Variants in C1QTNF3 observed in about 807,000 individuals in gnomAD.
The protein encoded by C1QTNF3 is complement C1q tumor necrosis factor-related protein 3.
C1QTNF3 carries 26 observed loss-of-function variants against 32.6 expected under a neutral mutation model. The ratio of observed to expected loss-of-function variants is 0.80; its 90% CI spans 0.58 to 1.11. The LOEUF is 1.11. C1QTNF3 is among the 50% of genes least tolerant of loss of function. The pLI is 0.00. For synonymous variants in C1QTNF3, 155 were observed against 146.0 expected, an observed-to-expected ratio of 1.06 and a Z score of -0.44; for missense variants, 362 against 398.2, an observed-to-expected ratio of 0.91 and a Z score of 0.77.
chr5:34,214,577 T>C, the C1QTNF3 span, among the ~76,000 whole-genome samples: 8 of 152,108 alleles, frequency 5.3e-5, no homozygotes, highest in African/African-American at 1.4e-4. Flanking sequence ...TACAATAATA[T>C]GGAAAACAAT....
chr5:34,231,799 G>T, the C1QTNF3 span, among the ~76,000 whole-genome samples: 1,121 of 149,568 alleles, frequency 7.5e-3, 20 homozygotes, highest in Non-Finnish European at 0.011. Flanking sequence ...ACCTCTACTA[G>T]GGCAGTGCAG....
chr5:34,136,390 CA>C, the C1QTNF3 span, among the ~76,000 whole-genome samples: 1 of 152,168 alleles, frequency 6.6e-6, no homozygotes, highest in Non-Finnish European at 1.5e-5. Flanking sequence ...CCAACAGACA[CA>C]TGAAAAAATG....
chr5:34,212,877 C>G, the C1QTNF3 span, among the ~76,000 whole-genome samples: 7 of 150,952 alleles, frequency 4.6e-5, no homozygotes, highest in East Asian at 2.0e-4. Context: ...ACTAGAAATA[C>G]CATTTGACCC....
intron 5 of C1QTNF3, among the ~76,000 whole-genome samples, chr5:34,022,357 C>T (rs1754351472): frequency 6.6e-6 from 1 of 152,130 alleles, no homozygotes; most frequent in East Asian, 1.9e-4. Flanking sequence ...CTCGAGGAGG[C>T]CCTGCTCACC....
At chr5:34,116,515 T>TAGA in the C1QTNF3 span, among the ~76,000 whole-genome samples, 501 of 100,904 alleles carry the variant, frequency 5.0e-3, 16 homozygotes, top group African/African-American at 0.02. Context: ...TGTTAAATGC[T>TAGA]TAAATTTTAT....
At chr5:34,062,579 A>G in the C1QTNF3 span, among the ~76,000 whole-genome samples, 1 of 152,170 alleles carries the variant, frequency 6.6e-6, no homozygotes, top group African/African-American at 2.4e-5. Context: ...CAAACCAATT[A>G]TTAGGCAATT....
At chr5:34,236,398 A>G in the C1QTNF3 span, among the ~76,000 whole-genome samples, 1 of 151,836 alleles carries the variant, frequency 6.6e-6, no homozygotes, top group Non-Finnish European at 1.5e-5. Flanking sequence ...CTCAAAAAAA[A>G]AAGAAGAAGA....
At chr5:34,144,789 G>C in the C1QTNF3 span, among the ~76,000 whole-genome samples, 2 of 152,302 alleles carry the variant, frequency 1.3e-5, no homozygotes, top group East Asian at 1.9e-4. Flanking sequence ...GCAGTAGTAA[G>C]AGAAAAGCTT....
the C1QTNF3 span, among the ~76,000 whole-genome samples, chr5:34,237,793 G>A: frequency 2.6e-5 from 4 of 152,102 alleles, no homozygotes; most frequent in South Asian, 8.3e-4. Flanking sequence ...CTGCCTGAGA[G>A]AGACCTGTGG....
At chr5:34,230,067 C>A in the C1QTNF3 span, among the ~76,000 whole-genome samples, 1 of 152,092 alleles carries the variant, frequency 6.6e-6, no homozygotes, top group African/African-American at 2.4e-5. Context: ...TATACCAGCA[C>A]CTTAATCTTG....
At chr5:34,129,315 G>A in the C1QTNF3 span, among the ~76,000 whole-genome samples, 1 of 152,124 alleles carries the variant, frequency 6.6e-6, no homozygotes, top group African/African-American at 2.4e-5. Context: ...ATTATGCTAA[G>A]TGAAATAAGC....
At chr5:34,033,273 G>A in intron 3 of C1QTNF3, 31 bp downstream of exon 3, 1 of 1,606,506 alleles carries the variant, frequency 6.2e-7, no homozygotes, top group Non-Finnish European at 8.5e-7. Context: ...AGGTTGGAAA[G>A]CCACCAGGAG....
the C1QTNF3 span, among the ~76,000 whole-genome samples, chr5:34,132,959 A>G: frequency 6.6e-6 from 1 of 152,202 alleles, no homozygotes; most frequent in Non-Finnish European, 1.5e-5. Context: ...TCACATAATT[A>G]GATTGTGCAT....
At chr5:34,196,850 T>C in the C1QTNF3 span, among the ~76,000 whole-genome samples, 1 of 152,240 alleles carries the variant, frequency 6.6e-6, no homozygotes, top group South Asian at 2.1e-4. Context: ...TTAATAGAGA[T>C]GGGGTTTCAC....
At chr5:34,226,954 A>C in the C1QTNF3 span, among the ~76,000 whole-genome samples, 2 of 151,722 alleles carry the variant, frequency 1.3e-5, no homozygotes, top group Non-Finnish European at 2.9e-5. Flanking sequence ...TGCAGACCTC[A>C]ATCTAGGGTA....
At chr5:34,091,467 GT>G in the C1QTNF3 span, among the ~76,000 whole-genome samples, 2 of 151,984 alleles carry the variant, frequency 1.3e-5, no homozygotes, top group African/African-American at 4.8e-5. Context: ...CATTTTGTTT[GT>G]TTTTTACTAT....
At chr5:34,197,426 A>T in the C1QTNF3 span, among the ~76,000 whole-genome samples, 3 of 152,240 alleles carry the variant, frequency 2.0e-5, no homozygotes, top group Non-Finnish European at 4.4e-5. Flanking sequence ...ATAAATATAA[A>T]TGGAAAGCAA....
chr5:34,125,086 G>A, the C1QTNF3 span, among the ~76,000 whole-genome samples: 2 of 152,204 alleles, frequency 1.3e-5, no homozygotes, highest in East Asian at 3.9e-4. Flanking sequence ...CTACCTTTGA[G>A]TCATTTTTAA....
At chr5:34,161,295 C>T in the C1QTNF3 span, among the ~76,000 whole-genome samples, 1 of 152,038 alleles carries the variant, frequency 6.6e-6, no homozygotes, top group Non-Finnish European at 1.5e-5. Flanking sequence ...GTAGCCAAAC[C>T]TTCCACTAGG....
Sources: gnomAD v4.1 joint callset for allele counts (sites outside exome capture counted in the v4.1 genomes callset) on GRCh38, gnomAD v4.1.1 for gene constraint, MANE v1.5 for transcripts, NCBI Gene and HGNC (gene_info 2026-07-23, HGNC 2026-07-21) for gene names.